The following RASGRP3 variants were observed in gnomAD, a reference collection of about 807,000 sequenced individuals.
RASGRP3 encodes the protein ras guanyl-releasing protein 3.
Under a neutral mutation model 82.7 loss-of-function variants are expected in RASGRP3, and 54 were observed. The ratio of observed to expected loss-of-function variants is 0.65; its 90% CI spans 0.52 to 0.82. RASGRP3 has a LOEUF of 0.82. Ranked by LOEUF, RASGRP3 falls within the 40% of genes least tolerant of loss-of-function variation. The pLI, the probability that RASGRP3 is intolerant of heterozygous loss-of-function variation, is 0.00. For missense variants in RASGRP3, 861 were observed against 828.9 expected, an observed-to-expected ratio of 1.04 and a Z score of -0.48; for synonymous variants, 309 against 300.5, an observed-to-expected ratio of 1.03 and a Z score of -0.29.
intron 10 of RASGRP3, among the ~76,000 whole-genome samples, chr2:33,530,588 G>C (rs1258916796): frequency 6.6e-6 from 1 of 151,198 alleles, no homozygotes; most frequent in Non-Finnish European, 1.5e-5. Context: ...GCCTGGGCCG[G>C]GTTCCCCTCA....
At chr2:33,543,350 CT>C (rs1204962095) in intron 12 of RASGRP3, among the ~76,000 whole-genome samples, 161 bp from the exon 13 acceptor site, 1 of 152,190 alleles carries the variant, frequency 6.6e-6, no homozygotes, top group African/African-American at 2.4e-5. Context: ...CATCAAACCA[CT>C]TGTCTTGTTA....
intron 12 of RASGRP3, among the ~76,000 whole-genome samples, chr2:33,540,552 TGTTTTG>T (rs1184600446): frequency 1.1e-3 from 33 of 30,346 alleles, no homozygotes; most frequent in African/African-American, 5.3e-3. Context: ...TCTGTGTGTG[TGTTTTG>T]TGTGTGTGTG....
chr2:33,558,200 G>A lies in RASGRP3; in HGVS notation c.1580-11G>A, dbSNP rs745421555. On this transcript the variant is annotated splice_polypyrimidine_tract_variant and intron_variant, in intron 15 of 17. Coordinates refer to ENST00000403687, the MANE Select transcript of RASGRP3 (RefSeq NM_001139488.2). ...ACACTAATCATCTGCGACACCCTTG[G>A]AATTTTTCAGACTGTGGAGCCAATT... The A allele has an allele frequency of 1.2e-6, 2 of 1,608,666 alleles. No homozygotes were observed. Among genetic ancestry groups the A allele is most frequent in the Non-Finnish European group, 1.7e-6 (2 of 1,177,492 alleles).
chr2:33,471,397 A>G (rs901724056), intron 2 of RASGRP3, among the ~76,000 whole-genome samples: 6 of 126,118 alleles, frequency 4.8e-5, no homozygotes, highest in African/African-American at 1.6e-4. Context: ...GCCCCTGCTG[A>G]TCTCAAACTC....
In RASGRP3 at chr2:33,515,095, T is replaced by C; in HGVS notation, c.-42T>C. The C allele has an allele frequency of 6.3e-7, 1 of 1,586,874 alleles. No homozygotes were observed. The highest frequency in any genetic ancestry group is 2.2e-5 in the East Asian group (1 of 44,746). On this transcript the variant is annotated 5_prime_UTR_variant, in exon 3 of 18. It removes an upstream start codon present in the reference 5' UTR. Transcript: ENST00000403687. ...ATGATTATGGAGATGGTCTATCTGATGCTGAAAATGTCTCTAGTTTTTTGA... is the reference window on the plus strand; with the variant it reads ...ATGATTATGGAGATGGTCTATCTGACGCTGAAAATGTCTCTAGTTTTTTGA...
At chr2:33,533,800 A>C (rs1673332068) in intron 10 of RASGRP3, 1 of 155,154 alleles carries the variant, frequency 6.4e-6, no homozygotes, top group Admixed American at 6.3e-5. Context: ...TGCTACGAAC[A>C]CATCTTTTTA....
chr2:33,545,733 T>C (rs1674669307), intron 13 of RASGRP3, among the ~76,000 whole-genome samples: 2 of 152,158 alleles, frequency 1.3e-5, no homozygotes, highest in Admixed American at 6.5e-5. Context: ...ATATCACTGA[T>C]AATTAGAGAA....
chr2:33,526,960 C>G (rs558911535), intron 9 of RASGRP3, among the ~76,000 whole-genome samples, 177 bp from the exon 10 acceptor site: 95 of 152,298 alleles, frequency 6.2e-4, no homozygotes, highest in Non-Finnish European at 3.8e-4. Flanking sequence ...CAATGCATAG[C>G]CAGGCCTAGT....
At chr2:33,471,341 A>ATTTTTTTTTT (rs70940204) in intron 2 of RASGRP3, among the ~76,000 whole-genome samples, 7 of 106,794 alleles carry the variant, frequency 6.6e-5, no homozygotes, top group Admixed American at 1.1e-4. Context: ...ACACTGGGCT[A>ATTTTTTTTTT]TTTTTTTTTT....
chr2:33,542,159 G>T lies in RASGRP3; in HGVS notation c.1279-1353G>T, dbSNP rs1302888288. Among the ~76,000 whole-genome samples the T allele has an allele frequency of 2.0e-5, 3 of 146,944 alleles. 1 individual carries two copies. Among genetic ancestry groups the T allele is most frequent in the Non-Finnish European group, 4.6e-5 (3 of 65,662 alleles). ...AATACATCTAGAATTTAGTTTGGAG[G>T]TAATTTATTTTGTAAGATTATTAGT... is the stretch of plus-strand genomic sequence containing the variant. On this transcript the variant is annotated intron_variant, in intron 12 of 17. Coordinates refer to ENST00000403687, the MANE Select transcript of RASGRP3 (RefSeq NM_001139488.2).
chr2:33,508,527 A>G (rs1670621382), intron 1 of RASGRP3, among the ~76,000 whole-genome samples: 1 of 152,198 alleles, frequency 6.6e-6, no homozygotes, highest in South Asian at 2.1e-4. Context: ...CAAAAAGGGC[A>G]TCCATGTGGG....
At chr2:33,492,058 T>C (rs1342184012) in intron 1 of RASGRP3, among the ~76,000 whole-genome samples, 2 of 152,236 alleles carry the variant, frequency 1.3e-5, no homozygotes, top group African/African-American at 4.8e-5. Flanking sequence ...AGGTTGCTCA[T>C]GGAATCTTGG....
chr2:33,508,152 G>A (rs1427323181), intron 1 of RASGRP3, among the ~76,000 whole-genome samples: 1 of 152,172 alleles, frequency 6.6e-6, no homozygotes, highest in African/African-American at 2.4e-5. Context: ...GAGAGTGGAG[G>A]GGAGGAGAAA....
chr2:33,519,289 C>T (rs1460843478), intron 4 of RASGRP3, among the ~76,000 whole-genome samples: 1 of 152,182 alleles, frequency 6.6e-6, no homozygotes, highest in Non-Finnish European at 1.5e-5. Context: ...CTGTATAAGG[C>T]ATTAATCCTA....
intron 2 of RASGRP3, among the ~76,000 whole-genome samples, chr2:33,457,777 T>C (rs1666119440): frequency 6.6e-6 from 1 of 152,184 alleles, no homozygotes; most frequent in African/African-American, 2.4e-5. Context: ...TGGTTTCCTG[T>C]TCCTGGTGGG....
intron 2 of RASGRP3, among the ~76,000 whole-genome samples, chr2:33,450,597 G>A (rs890734502): frequency 1.5e-4 from 23 of 151,896 alleles, no homozygotes; most frequent in African/African-American, 3.6e-4. Flanking sequence ...TGTATATACC[G>A]CATTTTCTTT....
chr2:33,532,319 A>G (rs1159646147), intron 10 of RASGRP3: 1 of 152,338 alleles, frequency 6.6e-6, no homozygotes, highest in African/African-American at 2.4e-5. Context: ...GCAATTTGTC[A>G]TCACTGAGCA....
chr2:33,550,924 G>T, intron 14 of RASGRP3, among the ~76,000 whole-genome samples: 2 of 152,306 alleles, frequency 1.3e-5, no homozygotes, highest in South Asian at 4.1e-4. Context: ...ACAGGGGAAA[G>T]CCAGTCTAAC....
At chr2:33,545,960 G>A (rs531171995) in intron 13 of RASGRP3, among the ~76,000 whole-genome samples, 61 of 151,920 alleles carry the variant, frequency 4.0e-4, no homozygotes, top group African/African-American at 1.4e-3. Flanking sequence ...GCACCACCAC[G>A]CCAGGCAATT....
Sources: gnomAD v4.1 joint callset for allele counts (sites outside exome capture counted in the v4.1 genomes callset) on GRCh38, gnomAD v4.1.1 for gene constraint, MANE v1.5 for transcripts, NCBI Gene and HGNC (gene_info 2026-07-23, HGNC 2026-07-21) for gene names.